Variants in CYTH4 observed in about 807,000 individuals in gnomAD.
CYTH4 encodes cytohesin 4, also known as cytohesin-4.
A neutral mutation model predicts 57.5 loss-of-function variants in CYTH4; 22 were observed. The observed-to-expected ratio is 0.38, with a 90% CI of 0.27 to 0.55. CYTH4 has a LOEUF of 0.55. CYTH4 is among the 20% of genes least tolerant of loss of function. CYTH4 has a pLI of 0.74. For missense variants in CYTH4, 420 were observed against 535.6 expected, an observed-to-expected ratio of 0.78 and a Z score of 2.13; for synonymous variants, 186 against 206.5, an observed-to-expected ratio of 0.90 and a Z score of 0.85.
chr22:37,303,033 A>T (rs1929241045), intron 7 of CYTH4, among the ~76,000 whole-genome samples: 1 of 151,896 alleles, frequency 6.6e-6, no homozygotes, highest in African/African-American at 2.4e-5. Context: ...GTACGCGCGG[A>T]GGTAGGAAGG....
At chr22:37,291,013 C>T (rs1310625883) in intron 1 of CYTH4, among the ~76,000 whole-genome samples, 1 of 152,160 alleles carries the variant, frequency 6.6e-6, no homozygotes, top group Admixed American at 6.5e-5. Flanking sequence ...ATGTGGGACT[C>T]AGCATATGTT....
chr22:37,286,713 G>A (rs1928574273), intron 1 of CYTH4, among the ~76,000 whole-genome samples: 2 of 152,160 alleles, frequency 1.3e-5, no homozygotes, highest in Admixed American at 1.3e-4. Flanking sequence ...GAGCTCAGGG[G>A]AGTGAATGAA....
chr22:37,298,616 G>A lies in CYTH4; in HGVS notation c.354-610G>A, dbSNP rs186535457. ...CTCAAGAATCTAGACTGGACGGGAG[G>A]AGAGAGGAAGGATATTGTGGGCGAG... On this transcript the variant is annotated intron_variant, in intron 5 of 12. Transcript: ENST00000248901. This position sits in a 1 kb window ranked among gnomAD's most constrained non-coding sequence, Gnocchi z 4.1. Among the ~76,000 whole-genome samples, 2 of 152,252 alleles carry A rather than the reference G, an allele frequency of 1.3e-5. No individual in the cohort carries two copies. Among genetic ancestry groups the A allele is most frequent in the African/African-American group, 4.8e-5 (2 of 41,536 alleles).
chr22:37,293,034 T>C (rs983152756), intron 2 of CYTH4, among the ~76,000 whole-genome samples: 2 of 152,176 alleles, frequency 1.3e-5, no homozygotes. Flanking sequence ...CCCTGCAGAG[T>C]GTAGACCACC....
In CYTH4 at chr22:37,314,541, A is replaced by G. The variant is rs1929783593; in HGVS notation, c.*1030A>G. 1 of 397,600 alleles carries G rather than the reference A, an allele frequency of 2.5e-6. No individual in the cohort carries two copies. The highest frequency in any genetic ancestry group is 3.6e-5 in the East Asian group (1 of 28,052). 24.6% of individuals were successfully genotyped at this position (397,600 alleles called of 1,614,324 possible). A position where few individuals can be genotyped will look rare whatever the true frequency, so the allele number is the denominator to read the frequency against. On this transcript the variant is annotated 3_prime_UTR_variant, in exon 13 of 13. Coordinates refer to ENST00000248901, the MANE Select transcript of CYTH4 (RefSeq NM_013385.5). ...TGCTTGGAGAGAGAGAGTCTTGGCC[A>G]TGGCTTTCCTGCAAGACCACTGACG...
Position 37,314,129 on chromosome 22 carries a change from G to T in CYTH4, c.*618G>T. ...TCAGTCCCAGCTCTGCCTCTGACTC[G>T]CTGTGTGCCCTCTGCCAAGTCATGC... On this transcript the variant is annotated 3_prime_UTR_variant, in exon 13 of 13. Transcript: ENST00000248901. 1 of 372,988 alleles carries T rather than the reference G, an allele frequency of 2.7e-6. No homozygotes were observed. The highest frequency in any genetic ancestry group is 1.5e-4 in the South Asian group (1 of 6,814). 23.1% of individuals were successfully genotyped at this position (372,988 alleles called of 1,614,324 possible). A position where few individuals can be genotyped will look rare whatever the true frequency, so the allele number is the denominator to read the frequency against.
chr22:37,284,471 G>A (rs13058636), intron 1 of CYTH4, among the ~76,000 whole-genome samples: 23,689 of 152,146 alleles, frequency 0.16, 2,004 homozygotes, highest in African/African-American at 0.2. Context: ...CCTCCTTGAG[G>A]AGGAGGCCAG....
intron 1 of CYTH4, among the ~76,000 whole-genome samples, chr22:37,287,601 G>A (rs960133125): frequency 6.6e-6 from 1 of 151,956 alleles, no homozygotes; most frequent in African/African-American, 2.4e-5. Context: ...TTCCAGCACT[G>A]CCTCCCCGGC....
chr22:37,306,511 G>A (rs941779453), intron 8 of CYTH4, among the ~76,000 whole-genome samples: 1 of 152,270 alleles, frequency 6.6e-6, no homozygotes. Flanking sequence ...ACCCATGACT[G>A]ACTTCAGCGC....
intron 1 of CYTH4, among the ~76,000 whole-genome samples, chr22:37,285,045 G>T (rs2145852060): frequency 6.6e-6 from 1 of 152,330 alleles, no homozygotes; most frequent in East Asian, 1.9e-4. Flanking sequence ...TCTGCCCCAG[G>T]GTCCCTCCTA....
intron 2 of CYTH4, 62 bp downstream of exon 2, chr22:37,292,765 C>A: frequency 2.6e-6 from 4 of 1,540,130 alleles, no homozygotes; most frequent in South Asian, 1.1e-5. Flanking sequence ...CTTGTACGCA[C>A]CCCACCAGCT....
intron 1 of CYTH4, among the ~76,000 whole-genome samples, chr22:37,286,579 G>A (rs1178853575): frequency 2.0e-5 from 3 of 152,172 alleles, no homozygotes; most frequent in Non-Finnish European, 4.4e-5. Flanking sequence ...GCTCCTAGAT[G>A]GAACCCAGGA....
At chr22:37,300,323 TATTC>T in intron 6 of CYTH4, 8 of 701,918 alleles carry the variant, frequency 1.1e-5, no homozygotes, top group Admixed American at 2.0e-5. Flanking sequence ...TTCATTCACA[TATTC>T]ATTCATTCAT....
At chr22:37,285,913 C>T (rs377075171) in intron 1 of CYTH4, among the ~76,000 whole-genome samples, 1 of 152,120 alleles carries the variant, frequency 6.6e-6, no homozygotes, top group Non-Finnish European at 1.5e-5. Flanking sequence ...GCCACCTATT[C>T]GGGACAGGAC....
chr22:37,309,351 G>A (rs369126022), intron 9 of CYTH4, 28 bp downstream of exon 9: 37 of 1,596,870 alleles, frequency 2.3e-5, no homozygotes, highest in East Asian at 4.5e-5. Flanking sequence ...ACACGTCGTC[G>A]CACACACACT....
In CYTH4 at chr22:37,313,580, A is replaced by T; in HGVS notation, c.*69A>T. 7.2e-7 allele frequency: 1 copy of T among 1,394,204 alleles called. No homozygotes were observed. Among genetic ancestry groups the T allele is most frequent in the Non-Finnish European group, 1.0e-6 (1 of 982,056 alleles). The allele number at this position is 1,394,204 out of a possible 1,614,324, so 86.4% of individuals were successfully genotyped here. A position where few individuals can be genotyped will look rare whatever the true frequency, so the allele number is the denominator to read the frequency against. On this transcript the variant is annotated 3_prime_UTR_variant, in exon 13 of 13. Transcript: ENST00000248901. ...CATCGCCTGCAGCACCTGGAGACCC[A>T]CCTCCCACCCCAGTGCACTCTTTTG...
chr22:37,309,256 G>T lies in CYTH4; in HGVS notation c.741G>T (p.Glu247Asp). 6.2e-7 allele frequency: 1 copy of T among 1,614,128 alleles called. No homozygotes were observed. Among genetic ancestry groups the T allele is most frequent in the South Asian group, 1.1e-5 (1 of 91,088 alleles). Reference sequence around the variant, plus strand: ...AGAGTGAGCCATTCTCCATCCCTGAGGACGACGGCAATGACCTCACTCACA... The same window carrying T: ...AGAGTGAGCCATTCTCCATCCCTGATGACGACGGCAATGACCTCACTCACA... Reference protein sequence around the residue: ...SIKSEPFSIPEDDGNDLTHTF... With the variant: ...SIKSEPFSIPDDDGNDLTHTF... The change falls in exon 9 of 13, where the codon GAG becomes GAT. Residue 247 changes from glutamate to aspartate, a missense_variant. By Grantham distance (45) the Glu-to-Asp change is conservative (BLOSUM62 2). Coordinates refer to ENST00000248901, the MANE Select transcript of CYTH4 (RefSeq NM_013385.5).
chr22:37,297,463 C>T, intron 4 of CYTH4, 101 bp from the exon 5 acceptor site: 1 of 1,032,294 alleles, frequency 9.7e-7, no homozygotes, highest in South Asian at 1.3e-5. Flanking sequence ...ACCAGAATGC[C>T]AGGCTCCAGG....
chr22:37,301,209 G>T (rs1929166594), intron 7 of CYTH4, among the ~76,000 whole-genome samples, 190 bp downstream of exon 7: 1 of 152,190 alleles, frequency 6.6e-6, no homozygotes, highest in African/African-American at 2.4e-5. Context: ...TTGAGACACA[G>T]TTCTTAGGAG....
Sources: allele counts gnomAD v4.1 joint callset (sites outside exome capture counted in the v4.1 genomes callset), GRCh38; gene constraint gnomAD v4.1.1; non-coding constraint Gnocchi (gnomAD v3.1); transcripts MANE v1.5; gene names NCBI Gene and HGNC (gene_info 2026-07-23, HGNC 2026-07-21).